The following INTS4 variants were observed in gnomAD, a reference collection of about 807,000 sequenced individuals.
INTS4 encodes the protein integrator complex subunit 4.
A neutral mutation model predicts 119.5 loss-of-function variants in INTS4; 70 were observed. The observed-to-expected ratio is 0.59, with a 90% CI of 0.48 to 0.71. The LOEUF (loss-of-function observed/expected upper bound fraction) is 0.71, where lower values mean the gene tolerates loss of function less well. INTS4 is among the 30% of genes least tolerant of loss of function. The pLI is 0.00. For synonymous variants in INTS4, 316 were observed against 419.6 expected (o/e 0.75, Z 3.02); for missense variants, 867 against 1,173.2 (o/e 0.74, Z 3.81).
intron 8 of INTS4, among the ~76,000 whole-genome samples, chr11:77,955,558 T>C (rs1954298820): frequency 6.6e-6 from 1 of 150,792 alleles, no homozygotes. Context: ...TGCAGCAGCG[T>C]GATCTTGGCT....
At chr11:77,974,248 T>C (rs375968863) in intron 4 of INTS4, among the ~76,000 whole-genome samples, 1 of 141,788 alleles carries the variant, frequency 7.1e-6, no homozygotes, top group Admixed American at 7.1e-5. Flanking sequence ...CTTTTTTTTT[T>C]TTTTTTTTTT....
intron 2 of INTS4, 85 bp downstream of exon 2, chr11:77,991,023 C>A: frequency 8.7e-7 from 1 of 1,146,192 alleles, no homozygotes; most frequent in South Asian, 1.4e-5. Flanking sequence ...TAATGAATAC[C>A]CTATTTATTT....
intron 8 of INTS4, among the ~76,000 whole-genome samples, chr11:77,952,077 T>C (rs1433073081): frequency 6.6e-6 from 1 of 152,238 alleles, no homozygotes; most frequent in Non-Finnish European, 1.5e-5. Context: ...GACTGTAAAC[T>C]AGTTCAACCA....
At chr11:77,949,374 T>C (rs1954129995) in intron 8 of INTS4, among the ~76,000 whole-genome samples, 1 of 152,076 alleles carries the variant, frequency 6.6e-6, no homozygotes, top group Non-Finnish European at 1.5e-5. Context: ...AAATGGGATC[T>C]AATTAAACTA....
intron 5 of INTS4, 139 bp downstream of exon 5, chr11:77,960,814 G>T: frequency 1.4e-6 from 1 of 703,810 alleles, no homozygotes; most frequent in African/African-American, 1.8e-5. Flanking sequence ...GTGTGTCACT[G>T]AGTTCTGCGA....
At position 77,964,454 on chromosome 11, in the gene INTS4, G is replaced by T. The variant is rs1040203706; in HGVS notation, c.472-3316C>A. ...CCGGGCATGGTCGCGGGCACCTGTAGTCCCAGCTACTCGGGAGGCTGAGGC... is the reference window on the plus strand; with the variant it reads ...CCGGGCATGGTCGCGGGCACCTGTATTCCCAGCTACTCGGGAGGCTGAGGC... On this transcript the variant is annotated intron_variant, in intron 4 of 22. Coordinates refer to ENST00000534064, the MANE Select transcript of INTS4 (RefSeq NM_033547.4). Among the ~76,000 whole-genome samples, 4 of 151,774 alleles carry T rather than the reference G, an allele frequency of 2.6e-5. No individual in the cohort carries two copies. In the East Asian group the frequency reaches 7.7e-4, roughly 29 times the overall value.
chr11:77,971,078 G>A (rs995469941), intron 4 of INTS4, among the ~76,000 whole-genome samples: 11 of 152,112 alleles, frequency 7.2e-5, no homozygotes, highest in African/African-American at 2.7e-4. Flanking sequence ...ACAGTGCTGG[G>A]ATTACAGGCG....
intron 19 of INTS4, among the ~76,000 whole-genome samples, chr11:77,892,932 A>C (rs1185071523): frequency 1.3e-5 from 2 of 152,190 alleles, no homozygotes; most frequent in African/African-American, 4.8e-5. Context: ...TTTGCTAGAG[A>C]GTATTACCTG....
At chr11:77,893,113 G>T (rs1411902504) in intron 19 of INTS4, among the ~76,000 whole-genome samples, 1 of 152,138 alleles carries the variant, frequency 6.6e-6, no homozygotes, top group Non-Finnish European at 1.5e-5. Flanking sequence ...TCTTCTCCCA[G>T]TATTATTCTG....
chr11:77,881,234 A>C (rs1286301641), intron 22 of INTS4, among the ~76,000 whole-genome samples: 1 of 152,200 alleles, frequency 6.6e-6, no homozygotes, highest in Non-Finnish European at 1.5e-5. Context: ...AGGGAAGTAA[A>C]ATAACTTTCT....
At chr11:77,970,538 C>T (rs372234295) in intron 4 of INTS4, among the ~76,000 whole-genome samples, 1 of 151,876 alleles carries the variant, frequency 6.6e-6, no homozygotes, top group East Asian at 2.0e-4. Context: ...TTGAAAGCAG[C>T]TGAGCGAACA....
intron 15 of INTS4, chr11:77,918,063 T>G: frequency 1.5e-6 from 1 of 661,348 alleles, no homozygotes; most frequent in South Asian, 1.5e-5. Flanking sequence ...CCCCACAGGA[T>G]GGAATACAGG....
At chr11:77,982,170 C>T (rs936911336) in intron 2 of INTS4, among the ~76,000 whole-genome samples, 1 of 147,362 alleles carries the variant, frequency 6.8e-6, no homozygotes, top group South Asian at 2.2e-4. Flanking sequence ...CAGGGTCTCA[C>T]TGTCTCCCAG....
intron 2 of INTS4, among the ~76,000 whole-genome samples, chr11:77,982,727 G>C (rs1372803231): frequency 6.6e-6 from 1 of 152,060 alleles, no homozygotes; most frequent in Non-Finnish European, 1.5e-5. Flanking sequence ...TATGTGAAAT[G>C]AGAGGAAAAA....
At position 77,979,063 on chromosome 11, in the gene INTS4, A is replaced by G. The variant is rs1343049113; in HGVS notation, c.404T>C (p.Leu135Pro). ...QVLAQLLDTL[L>P]AIGTKLPENQ... ...CTCTGGTAGCTTAGTGCCAATTGCA[A>G]GCAAAGTATCCAGCAGTTGAGCTAG... is the stretch of plus-strand genomic sequence containing the variant. Residue 135 changes from leucine (L) to proline (P), a missense_variant, in exon 4 of 23, where the codon CTT (leucine) becomes CCT (proline). Physicochemically the swap from Leu to Pro is moderately conservative, Grantham distance 98 (BLOSUM62 -3). Coordinates refer to ENST00000534064, the MANE Select transcript of INTS4 (RefSeq NM_033547.4). 7 of 1,613,124 alleles carry G rather than the reference A, an allele frequency of 4.3e-6. No homozygotes were observed. The highest frequency in any genetic ancestry group is 5.9e-6 in the Non-Finnish European group (7 of 1,179,226).
At chr11:77,930,526 C>T (rs553474585) in intron 10 of INTS4, among the ~76,000 whole-genome samples, 5 of 152,200 alleles carry the variant, frequency 3.3e-5, no homozygotes, top group Non-Finnish European at 5.9e-5. Context: ...TTTGCAAGTC[C>T]ACCAAGGCAA....
chr11:77,909,548 A>C (rs1045857635), intron 15 of INTS4, among the ~76,000 whole-genome samples: 21 of 152,222 alleles, frequency 1.4e-4, no homozygotes, highest in Non-Finnish European at 2.9e-4. Flanking sequence ...CACCTCCCAA[A>C]GACCTCACTT....
intron 5 of INTS4, 117 bp from the exon 6 acceptor site, chr11:77,960,508 C>A (rs1591111107): frequency 6.0e-6 from 4 of 670,850 alleles, no homozygotes; most frequent in East Asian, 5.3e-5. Flanking sequence ...TTCCTTTTAG[C>A]CAAAATTAGT....
intron 3 of INTS4, 29 bp downstream of exon 3, chr11:77,981,430 G>T: frequency 8.9e-7 from 1 of 1,123,340 alleles, no homozygotes; most frequent in Non-Finnish European, 1.3e-6. Flanking sequence ...TTTCTGCTCT[G>T]ACTATAGAGC....
Sources: gnomAD v4.1 joint callset for allele counts (sites outside exome capture counted in the v4.1 genomes callset) on GRCh38, gnomAD v4.1.1 for gene constraint, MANE v1.5 for transcripts, NCBI Gene and HGNC (gene_info 2026-07-23, HGNC 2026-07-21) for gene names.